ZNF75D: variants seen among roughly 807,000 people sequenced by gnomAD.
ZNF75D encodes the protein zinc finger protein 75D, also known as zinc finger protein 75.
A neutral mutation model predicts 33.3 loss-of-function variants in ZNF75D; 33 were observed. That is an observed-to-expected ratio of 0.99 (90% CI 0.75 to 1.32). The LOEUF (loss-of-function observed/expected upper bound fraction) is 1.32, where lower values mean the gene tolerates loss of function less well. ZNF75D is among the 40% of genes most tolerant of loss of function. The pLI, the probability that ZNF75D is intolerant of heterozygous loss-of-function variation, is 0.00. For synonymous variants in ZNF75D, 113 were observed against 130.6 expected (o/e 0.87, Z 0.92); for missense variants, 338 against 367.5 (o/e 0.92, Z 0.66).
At position 135,275,290 on chromosome X, in the gene ZNF75D, T is replaced by C. The variant is rs782003299; in HGVS notation, n.828-19513A>G. Among the ~76,000 whole-genome samples the C allele has an allele frequency of 1.6e-3, 178 of 112,538 alleles. 1 individual carries two copies. The highest frequency in any genetic ancestry group is 2.9e-3 in the Non-Finnish European group (152 of 53,288). On this transcript the variant is annotated intron_variant and non_coding_transcript_variant, in intron 1 of 3. Coordinates refer to the ZNF75D transcript ENST00000494295. ...GTTAAGCATGAAGCTGGATTTAGTG[T>C]GGAGCCAAATTTATCACATGCATGC...
At chrX:135,295,272 C>T (rs1480564599) in intron 2 of ZNF75D, among the ~76,000 whole-genome samples, 3 of 111,910 alleles carry the variant, frequency 2.7e-5, no homozygotes, top group African/African-American at 9.7e-5. Flanking sequence ...TTTTTGTCAG[C>T]AGAAGCCATT....
chrX:135,330,029 G>T (rs942352375), intron 1 of ZNF75D, among the ~76,000 whole-genome samples: 71 of 112,142 alleles, frequency 6.3e-4, no homozygotes, highest in African/African-American at 2.1e-3. Context: ...GAACACATAT[G>T]GGAATAACCT....
rs782162507 is a variant in ZNF75D, at chrX:135,287,269, G to C, written c.1401C>G (p.His467Gln). The C allele has an allele frequency of 2.5e-6, 3 of 1,211,710 alleles. No individual in the cohort carries two copies. Among genetic ancestry groups the C allele is most frequent in the Non-Finnish European group, 3.4e-6 (3 of 895,338 alleles). Residue 467 changes from histidine to glutamine, a missense_variant, in exon 7 of 7, where the codon CAC becomes CAG. By Grantham distance (24) the His-to-Gln change is conservative. Around this residue, in one of 3 missense-constraint regions of ZNF75D, gnomAD observed 79 missense variants for 80.1 expected, o/e 0.99. Coordinates refer to ENST00000370766, the MANE Select transcript of ZNF75D (RefSeq NM_007131.5). Reference protein sequence around the residue: ...RFIQNSHLIKHQRTHTGEQPY... With the variant: ...RFIQNSHLIKQQRTHTGEQPY... ...GCTGCTCACCTGTGTGAGTTCTCTG[G>C]TGTTTAATAAGGTGGGAGTTCTGAA...
chrX:135,297,466 G>T (rs2084148971), intron 1 of ZNF75D: 1 of 111,677 alleles, frequency 9.0e-6, no homozygotes, highest in Non-Finnish European at 1.9e-5. Context: ...AGGAAGTCAG[G>T]GCACTGTGAC....
chrX:135,260,367 T>C (rs1298665374), intron 1 of ZNF75D, among the ~76,000 whole-genome samples: 1 of 112,241 alleles, frequency 8.9e-6, no homozygotes, highest in Non-Finnish European at 1.9e-5. Flanking sequence ...TCAGAAGGAA[T>C]GGTACCAGCT....
intron 1 of ZNF75D, among the ~76,000 whole-genome samples, chrX:135,310,070 G>A (rs1312887632): frequency 8.9e-6 from 1 of 112,168 alleles, no homozygotes; most frequent in African/African-American, 3.2e-5. Context: ...CCTAATGCCT[G>A]TCCTAATGAA....
chrX:135,292,699 G>GC (rs1374799843), intron 3 of ZNF75D, among the ~76,000 whole-genome samples: 7 of 111,986 alleles, frequency 6.3e-5, no homozygotes, highest in Non-Finnish European at 1.3e-4. Context: ...GCAGATCCCC[G>GC]CCCCCCAACC....
intron 1 of ZNF75D, among the ~76,000 whole-genome samples, chrX:135,275,309 T>C (rs1170015248): frequency 3.6e-5 from 4 of 112,426 alleles, no homozygotes; most frequent in Non-Finnish European, 7.5e-5. Flanking sequence ...ATTTATCACA[T>C]GCATGCTTTC....
At chrX:135,330,646 C>T (rs1338441349) in intron 1 of ZNF75D, 5 of 112,561 alleles carry the variant, frequency 4.4e-5, no homozygotes, top group African/African-American at 6.5e-5. Context: ...AAAAAAATCA[C>T]GTGACTTACA....
intron 1 of ZNF75D, among the ~76,000 whole-genome samples, chrX:135,306,363 TTG>T (rs782482174): frequency 6.4e-5 from 7 of 108,633 alleles, no homozygotes; most frequent in Non-Finnish European, 1.3e-4. Flanking sequence ...TTGTGACAAT[TTG>T]TGATTTTAAA....
At chrX:135,316,935 A>T (rs2084428000) in intron 1 of ZNF75D, among the ~76,000 whole-genome samples, 1 of 110,009 alleles carries the variant, frequency 9.1e-6, no homozygotes, top group African/African-American at 3.3e-5. Context: ...AGAATTGATA[A>T]TTTGAATTAT....
At chrX:135,298,992 AC>A (rs2084174575) in intron 1 of ZNF75D, among the ~76,000 whole-genome samples, 1 of 112,368 alleles carries the variant, frequency 8.9e-6, no homozygotes, top group Admixed American at 9.4e-5. Flanking sequence ...TGAATAATAT[AC>A]CATTGTGTGG....
intron 1 of ZNF75D, among the ~76,000 whole-genome samples, chrX:135,324,251 G>A (rs1275704544): frequency 4.5e-5 from 5 of 111,722 alleles, no homozygotes; most frequent in Admixed American, 9.4e-5. Context: ...GAACCCAATT[G>A]ATCTAAAAAT....
intron 1 of ZNF75D, among the ~76,000 whole-genome samples, chrX:135,269,281 A>G (rs942764104): frequency 2.8e-4 from 31 of 112,027 alleles, no homozygotes; most frequent in Middle Eastern, 4.6e-3. Context: ...CCTTCTGCAC[A>G]GCAAAAGAAA....
intron 2 of ZNF75D, among the ~76,000 whole-genome samples, chrX:135,295,120 T>G (rs1198062475): frequency 1.8e-5 from 2 of 111,652 alleles, no homozygotes; most frequent in African/African-American, 3.3e-5. Flanking sequence ...TGACTTAACA[T>G]GTCCTCAAAA....
intron 1 of ZNF75D, among the ~76,000 whole-genome samples, chrX:135,323,104 G>T (rs1556435555): frequency 8.9e-6 from 1 of 111,733 alleles, no homozygotes; most frequent in Admixed American, 9.4e-5. Flanking sequence ...CTTCCAATTG[G>T]GTCAATTTTG....
rs782800015 is a variant in ZNF75D at position 135,335,213 on chromosome X, T to C, written c.-391+6555A>G. Among the ~76,000 whole-genome samples, 4 of 111,561 alleles carry C rather than the reference T, an allele frequency of 3.6e-5. No homozygotes were observed. The South Asian group carries it at 1.1e-3, about 32-fold the overall frequency. On this transcript the variant is annotated intron_variant, in intron 1 of 6. Transcript: ENST00000370766. ...GGTTGAAGTTTGAGAGGAGGTAGAC[T>C]GGGAGAAGTAGGCAGGGCCAACTTC... is the stretch of plus-strand genomic sequence containing the variant.
intron 1 of ZNF75D, among the ~76,000 whole-genome samples, chrX:135,335,284 A>G (rs2084696712): frequency 1.8e-5 from 2 of 110,747 alleles, no homozygotes; most frequent in African/African-American, 6.6e-5. Flanking sequence ...TCTTCTTCTA[A>G]GTTCGATGGA....
At chrX:135,335,352 G>T (rs1556442101) in intron 1 of ZNF75D, among the ~76,000 whole-genome samples, 1 of 110,867 alleles carries the variant, frequency 9.0e-6, no homozygotes, top group Non-Finnish European at 1.9e-5. Context: ...GCTCCTGAAT[G>T]CCCCTTCTCT....
Sources: gnomAD v4.1 joint callset for allele counts (sites outside exome capture counted in the v4.1 genomes callset) on GRCh38, gnomAD v4.1.1 for gene constraint, gnomAD v4.1.1 regional missense constraint, MANE v1.5 for transcripts, NCBI Gene and HGNC (gene_info 2026-07-23, HGNC 2026-07-21) for gene names.